The following CDH4 variants were observed in gnomAD, a reference collection of about 807,000 sequenced individuals.
CDH4 encodes cadherin 4, also known as cadherin-4.
A neutral mutation model predicts 86.0 loss-of-function variants in CDH4; 33 were observed. The observed-to-expected ratio is 0.38, with a 90% confidence interval of 0.29 to 0.51. The LOEUF (loss-of-function observed/expected upper bound fraction) is 0.51. Among genes scored for constraint, CDH4 ranks in the 20% least tolerant of loss-of-function variants. The pLI, the probability that CDH4 is intolerant of heterozygous loss-of-function variation, is 0.86. For missense variants in CDH4, 1,114 were observed against 1,307.4 expected (o/e 0.85, Z 2.28); for synonymous variants, 555 against 549.4 (o/e 1.01, Z -0.14).
intron 4 of CDH4, among the ~76,000 whole-genome samples, chr20:61,841,154 C>T (rs1037446320): frequency 1.3e-5 from 2 of 152,226 alleles, no homozygotes; most frequent in Non-Finnish European, 2.9e-5. Context: ...GTGTTCTCCT[C>T]AGCCCAGTGC....
At chr20:61,468,435 G>A (rs1175426286) in intron 2 of CDH4, among the ~76,000 whole-genome samples, 1 of 151,930 alleles carries the variant, frequency 6.6e-6, no homozygotes, top group Non-Finnish European at 1.5e-5. Flanking sequence ...TACATAGAAG[G>A]TATATATATT....
chr20:61,798,689 A>G (rs13433249), intron 4 of CDH4, among the ~76,000 whole-genome samples: 2,658 of 152,274 alleles, frequency 0.017, 33 homozygotes, highest in South Asian at 0.024. Context: ...ACTTTCTCAC[A>G]AGCCAGGGAC....
chr20:61,738,973 G>A (rs925324227), intron 2 of CDH4: 1 of 152,550 alleles, frequency 6.6e-6, no homozygotes, highest in African/African-American at 2.4e-5. Context: ...GCTGGGACAG[G>A]ACGTGTGATC....
At chr20:61,658,348 C>A (rs981003026) in intron 2 of CDH4, among the ~76,000 whole-genome samples, 2 of 152,076 alleles carry the variant, frequency 1.3e-5, no homozygotes, top group Non-Finnish European at 2.9e-5. Context: ...ATTGTCCCCT[C>A]CGAGTTCCAG....
rs373676286 is a variant in CDH4, at chr20:61,799,980, G to A, written c.576+26798G>A. On this transcript the variant is annotated intron_variant, in intron 4 of 15. Transcript: ENST00000614565. ...CCATCTCCGCTTGTCTTCATGGCCC[G>A]TCCCTTCCCATGACCCGCTCGGCTG... 7.9e-5 allele frequency among the ~76,000 whole-genome samples: 12 copies of A among 152,174 alleles called. 1 individual carries two copies. Among genetic ancestry groups the A allele is most frequent in the East Asian group, 3.9e-4 (2 of 5,162 alleles).
At chr20:61,831,867 C>T (rs776003404) in intron 4 of CDH4, among the ~76,000 whole-genome samples, 7 of 152,218 alleles carry the variant, frequency 4.6e-5, no homozygotes, top group East Asian at 3.9e-4. Context: ...CCACAGAGGC[C>T]GAGAGGCTCA....
Position 61,516,731 on chromosome 20 carries a change from G to A in CDH4, c.170-226832G>A, listed in dbSNP as rs999968903. Reference sequence around the variant, plus strand: ...GCAATGTCAAACCGCGGCCCTGCCCGAGAGCAGGCACTAAAAATAACCAGG... The same window carrying A: ...GCAATGTCAAACCGCGGCCCTGCCCAAGAGCAGGCACTAAAAATAACCAGG... On this transcript the variant is annotated intron_variant, in intron 2 of 15. Transcript: ENST00000614565. The surrounding 1 kb of genome is among the most constrained non-coding windows in gnomAD (Gnocchi z 4.0). 2.6e-5 allele frequency among the ~76,000 whole-genome samples: 4 copies of A among 152,186 alleles called. No individual in the cohort carries two copies. The highest frequency in any genetic ancestry group is 9.6e-5 in the African/African-American group (4 of 41,456).
Position 61,743,773 on chromosome 20 carries a change from C to A in CDH4, c.380C>A (p.Pro127Gln). Residue 127 changes from proline (P) to glutamine (Q), a missense_variant, in exon 3 of 16, where the codon CCG becomes CAG. Around this residue, in one of 3 missense-constraint regions of CDH4, gnomAD observed 221 missense variants for 209.5 expected, o/e 1.05. Coordinates refer to ENST00000614565, the MANE Select transcript of CDH4 (RefSeq NM_001794.5). ...VRLLVAQTSS[P>Q]HSGHKPQKGK... The stretch of plus-strand genomic sequence containing the variant: ...TTGCTGGTGGCCCAGACCTCGTCCC[C>A]GCACTCTGGACACAAGGTAAGGTGT... The A allele has an allele frequency of 1.9e-6, 3 of 1,602,064 alleles. No individual in the cohort carries two copies. The highest frequency in any genetic ancestry group is 2.6e-6 in the Non-Finnish European group (3 of 1,174,704).
At chr20:61,586,707 A>T (rs1206268844) in intron 2 of CDH4, among the ~76,000 whole-genome samples, 1 of 152,202 alleles carries the variant, frequency 6.6e-6, no homozygotes, top group Admixed American at 6.5e-5. Flanking sequence ...CAGAGCTGGT[A>T]TCTAAACCCA....
intron 2 of CDH4, among the ~76,000 whole-genome samples, chr20:61,631,282 G>A (rs7271017): frequency 0.018 from 2,728 of 152,280 alleles, 67 homozygotes; most frequent in African/African-American, 0.061. Flanking sequence ...GAGCTGTCCC[G>A]TTTGGAAGAA....
At chr20:61,640,115 A>T (rs1291031781) in intron 2 of CDH4, among the ~76,000 whole-genome samples, 1 of 152,188 alleles carries the variant, frequency 6.6e-6, no homozygotes, top group African/African-American at 2.4e-5. Context: ...GTATATTTTG[A>T]TATAAAATCC....
chr20:61,734,287 G>T (rs1044285355), intron 2 of CDH4, among the ~76,000 whole-genome samples: 9 of 152,232 alleles, frequency 5.9e-5, no homozygotes, highest in African/African-American at 1.7e-4. Flanking sequence ...TTAGCTGAGG[G>T]TCTAATTATG....
At chr20:61,822,519 T>C (rs1182929115) in intron 4 of CDH4, among the ~76,000 whole-genome samples, 3 of 152,208 alleles carry the variant, frequency 2.0e-5, no homozygotes, top group African/African-American at 7.2e-5. Context: ...GCTATCGATC[T>C]ACAAGGTATT....
Position 61,866,889 on chromosome 20 carries a change from C to T in CDH4, c.878-6839C>T, listed in dbSNP as rs150012327. 1.1e-4 allele frequency among the ~76,000 whole-genome samples: 16 copies of T among 152,374 alleles called. No individual in the cohort carries two copies. The East Asian group carries it at 3.1e-3, about 29-fold the overall frequency. On this transcript the variant is annotated intron_variant, in intron 6 of 15. Transcript: ENST00000614565. ...CATGTTTTCGCAGTTGGCCGGAAAGCAGGGAGCGGTCCTTGTTGCCAGAGA... is the reference window on the plus strand; with the variant it reads ...CATGTTTTCGCAGTTGGCCGGAAAGTAGGGAGCGGTCCTTGTTGCCAGAGA...
chr20:61,937,331 G>A lies in CDH4; in HGVS notation c.*388G>A, dbSNP rs139560071. 57 of 157,814 alleles carry A rather than the reference G, an allele frequency of 3.6e-4. No homozygotes were observed. Among genetic ancestry groups the A allele is most frequent in the African/African-American group, 1.2e-3 (51 of 40,922 alleles). The allele number at this position is 157,814 out of a possible 1,614,324, so 9.8% of individuals were successfully genotyped here. A position where few individuals can be genotyped will look rare whatever the true frequency, so the allele number is the denominator to read the frequency against. On this transcript the variant is annotated 3_prime_UTR_variant, in exon 16 of 16. Transcript: ENST00000614565. ...CAGGAGTGTCTAAAGCAGACAGACC[G>A]TCCCCACCTTCCCATCCCGAGCGGC...
intron 15 of CDH4, among the ~76,000 whole-genome samples, chr20:61,934,845 G>A (rs944513683): frequency 6.6e-6 from 1 of 152,172 alleles, no homozygotes; most frequent in Non-Finnish European, 1.5e-5. Flanking sequence ...GGGTTGGAGG[G>A]GACTTGACTT....
chr20:61,777,284 T>C (rs1473087459), intron 4 of CDH4, among the ~76,000 whole-genome samples: 1 of 152,228 alleles, frequency 6.6e-6, no homozygotes, highest in African/African-American at 2.4e-5. Context: ...ATAGACGTGA[T>C]CTCAGTGGTG....
At chr20:61,642,222 T>G (rs950463710) in intron 2 of CDH4, among the ~76,000 whole-genome samples, 2 of 152,238 alleles carry the variant, frequency 1.3e-5, no homozygotes, top group Non-Finnish European at 2.9e-5. Flanking sequence ...AATATAATTC[T>G]TAATTTTATT....
At chr20:61,759,845 A>G (rs1036717126) in intron 3 of CDH4, among the ~76,000 whole-genome samples, 1 of 152,096 alleles carries the variant, frequency 6.6e-6, no homozygotes, top group African/African-American at 2.4e-5. Context: ...GCAGCCTGGC[A>G]TGCTGCTCAG....
Sources: allele counts gnomAD v4.1 joint callset (sites outside exome capture counted in the v4.1 genomes callset), GRCh38; gene constraint gnomAD v4.1.1; regional missense constraint gnomAD v4.1.1; non-coding constraint Gnocchi (gnomAD v3.1); transcripts MANE v1.5; gene names NCBI Gene and HGNC (gene_info 2026-07-23, HGNC 2026-07-21).